The following NECAB1 variants were observed in gnomAD, a reference collection of about 807,000 sequenced individuals.
The protein encoded by NECAB1 is N-terminal EF-hand calcium-binding protein 1.
Under a neutral mutation model 57.5 loss-of-function variants are expected in NECAB1, and 29 were observed. The observed-to-expected ratio is 0.50, with a 90% CI of 0.38 to 0.69. The LOEUF is 0.69. Among genes scored for constraint, NECAB1 ranks in the 30% least tolerant of loss-of-function variants. The pLI, the probability that NECAB1 is intolerant of heterozygous loss-of-function variation, is 0.00. For missense variants in NECAB1, 372 were observed against 413.8 expected (o/e 0.90, Z 0.88); for synonymous variants, 142 against 147.7 (o/e 0.96, Z 0.28).
Position 90,909,795 on chromosome 8 carries a change from G to A in NECAB1, c.358-7697G>A, listed in dbSNP as rs142119379. On this transcript the variant is annotated intron_variant, in intron 5 of 12. Transcript: ENST00000417640. ...TGTCTTGATGTGTTTGTTCTGAGTC[G>A]ATATTCTCATACATATGGCATACTT... Among the ~76,000 whole-genome samples the A allele has an allele frequency of 5.0e-3, 761 of 152,028 alleles. 4 individuals carry two copies. The highest frequency in any genetic ancestry group is 8.7e-3 in the Non-Finnish European group (594 of 67,930).
intron 5 of NECAB1, among the ~76,000 whole-genome samples, chr8:90,907,474 C>T (rs1391639512): frequency 6.6e-6 from 1 of 152,132 alleles, no homozygotes; most frequent in African/African-American, 2.4e-5. Context: ...AATAAAGTTA[C>T]AGGTACAGAC....
chr8:90,808,640 C>CTTTTTTTTTTTTTTTTTTTT (rs200075536), intron 2 of NECAB1, among the ~76,000 whole-genome samples: 2 of 81,278 alleles, frequency 2.5e-5, no homozygotes, highest in Non-Finnish European at 4.4e-5. Context: ...TTTTTCTTTT[C>CTTTTTTTTTTTTTTTTTTTT]TTTTTTTTTT....
Position 90,940,868 on chromosome 8 carries a change from A to C in NECAB1, c.830A>C (p.Glu277Ala). Residue 277 changes from glutamate (E) to alanine (A), a missense_variant, in exon 10 of 13, where the codon GAG becomes GCG. By Grantham distance (107) the Glu-to-Ala change is moderately radical. Transcript: ENST00000417640. ...CAGCTCGCTCTGAAACACTACGTGG[A>C]GAGTGCTTCCTCCCAAAGTGGATGC... ...EFQLALKHYV[E>A]SASSQSGCLR... The C allele has an allele frequency of 6.4e-7, 1 of 1,561,134 alleles. No individual in the cohort carries two copies. Among genetic ancestry groups the C allele is most frequent in the South Asian group, 1.2e-5 (1 of 84,448 alleles).
intron 10 of NECAB1, among the ~76,000 whole-genome samples, chr8:90,946,609 G>A (rs1810809308): frequency 6.6e-6 from 1 of 152,216 alleles, no homozygotes; most frequent in South Asian, 2.1e-4. Flanking sequence ...GCTTAATGCT[G>A]TCATCAAAGA....
intron 3 of NECAB1, among the ~76,000 whole-genome samples, chr8:90,840,713 G>A (rs567203264): frequency 3.3e-5 from 5 of 152,226 alleles, no homozygotes; most frequent in Middle Eastern, 3.4e-3. Context: ...GTTTGACTGC[G>A]GTCTTAGAGT....
intron 3 of NECAB1, among the ~76,000 whole-genome samples, chr8:90,870,885 C>T (rs77653015): frequency 2.9e-3 from 435 of 152,290 alleles, no homozygotes; most frequent in Non-Finnish European, 3.7e-3. Context: ...TACTGGAGAA[C>T]ACTTAACATA....
intron 3 of NECAB1, among the ~76,000 whole-genome samples, chr8:90,845,668 C>G (rs1181086845): frequency 1.3e-5 from 2 of 152,142 alleles, no homozygotes; most frequent in African/African-American, 2.4e-5. Context: ...AGCTATGCAA[C>G]TTTCAAGTAA....
intron 8 of NECAB1, among the ~76,000 whole-genome samples, chr8:90,931,779 C>T (rs1810412133): frequency 6.6e-6 from 1 of 152,146 alleles, no homozygotes; most frequent in South Asian, 2.1e-4. Flanking sequence ...TGGTGTGCGC[C>T]TGTAATCCCA....
intron 12 of NECAB1, among the ~76,000 whole-genome samples, chr8:90,954,360 C>T (rs1810978557): frequency 1.3e-5 from 2 of 151,972 alleles, no homozygotes; most frequent in Admixed American, 6.6e-5. Flanking sequence ...CCAATGACCT[C>T]TCAAGTATAA....
At chr8:90,854,063 T>A (rs1340105568) in intron 3 of NECAB1, among the ~76,000 whole-genome samples, 1 of 152,178 alleles carries the variant, frequency 6.6e-6, no homozygotes, top group Non-Finnish European at 1.5e-5. Flanking sequence ...TGATACTATC[T>A]GGGAGGCCTG....
At chr8:90,811,043 G>A (rs531874372) in intron 2 of NECAB1, among the ~76,000 whole-genome samples, 13 of 151,956 alleles carry the variant, frequency 8.6e-5, no homozygotes, top group Non-Finnish European at 1.8e-4. Flanking sequence ...CACCTCCCAG[G>A]TTCAAGAGAT....
chr8:90,905,304 AACTCTTGTTTGCAG>A (rs1292367660), intron 5 of NECAB1, among the ~76,000 whole-genome samples: 1 of 152,214 alleles, frequency 6.6e-6, no homozygotes, highest in African/African-American at 2.4e-5. Context: ...GAATTACTGA[AACTCTTGTTTGCAG>A]AGAGTTGTAA....
At chr8:90,923,618 G>A (rs1352662939) in intron 6 of NECAB1, among the ~76,000 whole-genome samples, 3 of 152,114 alleles carry the variant, frequency 2.0e-5, no homozygotes, top group Non-Finnish European at 2.9e-5. Flanking sequence ...CACAAGAAAA[G>A]AAACTCGAAA....
At chr8:90,907,232 C>G (rs1809712453) in intron 5 of NECAB1, among the ~76,000 whole-genome samples, 1 of 149,254 alleles carries the variant, frequency 6.7e-6, no homozygotes, top group East Asian at 2.1e-4. Flanking sequence ...ACTATGAACT[C>G]TTGGCTTATT....
chr8:90,877,051 G>A (rs1248603451), intron 4 of NECAB1, among the ~76,000 whole-genome samples: 2 of 152,150 alleles, frequency 1.3e-5, no homozygotes, highest in South Asian at 2.1e-4. Flanking sequence ...TACTCACACT[G>A]GTATTGTGAT....
chr8:90,896,726 T>G (rs1809350483), intron 5 of NECAB1, among the ~76,000 whole-genome samples: 1 of 152,220 alleles, frequency 6.6e-6, no homozygotes, highest in Non-Finnish European at 1.5e-5. Context: ...TTTTCGATTA[T>G]CTACTCCACC....
chr8:90,849,007 G>A (rs1340218292), intron 3 of NECAB1, among the ~76,000 whole-genome samples: 1 of 152,038 alleles, frequency 6.6e-6, no homozygotes, highest in Non-Finnish European at 1.5e-5. Context: ...CACAAGAACA[G>A]CACACAAAAA....
intron 2 of NECAB1, among the ~76,000 whole-genome samples, chr8:90,803,953 C>T (rs1811807455): frequency 6.6e-6 from 1 of 152,166 alleles, no homozygotes; most frequent in South Asian, 2.1e-4. Flanking sequence ...GTGTTCTCAG[C>T]ACAATTGGAC....
At chr8:90,850,716 G>A (rs1812666451) in intron 3 of NECAB1, among the ~76,000 whole-genome samples, 1 of 152,128 alleles carries the variant, frequency 6.6e-6, no homozygotes, top group South Asian at 2.1e-4. Context: ...AAGCCTCTTT[G>A]TTTCCATTGA....
Sources: allele counts gnomAD v4.1 joint callset (sites outside exome capture counted in the v4.1 genomes callset), GRCh38; gene constraint gnomAD v4.1.1; transcripts MANE v1.5; gene names NCBI Gene and HGNC (gene_info 2026-07-23, HGNC 2026-07-21).